ADGRL3: variants seen among roughly 807,000 people sequenced by gnomAD.
ADGRL3 encodes calcium-independent alpha-latrotoxin receptor 3.
In ADGRL3, 62 loss-of-function variants were observed where a neutral mutation model predicts 153.5. That is an observed-to-expected ratio of 0.40 (90% confidence interval 0.33 to 0.50). ADGRL3 has a LOEUF of 0.50. ADGRL3 is among the 20% of genes least tolerant of loss of function. The pLI is 0.47. For synonymous variants in ADGRL3, 710 were observed against 672.5 expected (o/e 1.06, Z -0.86); for missense variants, 1,641 against 1,859.4 (o/e 0.88, Z 2.16).
intron 2 of ADGRL3, among the ~76,000 whole-genome samples, chr4:61,462,166 A>G (rs943269305): frequency 6.6e-6 from 1 of 152,164 alleles, no homozygotes; most frequent in Non-Finnish European, 1.5e-5. Flanking sequence ...AGTGTTTCCT[A>G]TTTGGGCTGA....
intron 8 of ADGRL3, among the ~76,000 whole-genome samples, chr4:61,746,385 C>G (rs899632184): frequency 6.6e-6 from 1 of 152,122 alleles, no homozygotes; most frequent in Non-Finnish European, 1.5e-5. Context: ...ACTCTCCACC[C>G]CAAATCAACA....
At chr4:61,682,257 G>A (rs1261807714) in intron 6 of ADGRL3, among the ~76,000 whole-genome samples, 1 of 151,560 alleles carries the variant, frequency 6.6e-6, no homozygotes, top group Non-Finnish European at 1.5e-5. Flanking sequence ...TCCTCTCTCT[G>A]TATCAGCTAT....
At position 61,231,772 on chromosome 4, in the gene ADGRL3, G is replaced by A. The variant is rs543257222; in HGVS notation, c.-240+30007G>A. ...TCATTTTATCCTTTGGGTCCAACCA[G>A]CCTCCCGGCACGTGGTAAGTACTAA... is the stretch of plus-strand genomic sequence containing the variant. On this transcript the variant is annotated intron_variant, in intron 1 of 26. Transcript: ENST00000683033. Among the ~76,000 whole-genome samples the A allele has an allele frequency of 2.6e-5, 4 of 152,138 alleles. No homozygotes were observed. The South Asian group carries it at 8.3e-4, about 32-fold the overall frequency.
At chr4:61,676,059 C>T (rs1292948566) in intron 5 of ADGRL3, among the ~76,000 whole-genome samples, 1 of 151,690 alleles carries the variant, frequency 6.6e-6, no homozygotes, top group Admixed American at 6.6e-5. Flanking sequence ...TCTTTCTGTG[C>T]CTGTCTTATT....
chr4:61,883,499 T>G (rs2098520233), intron 9 of ADGRL3, among the ~76,000 whole-genome samples: 2 of 152,188 alleles, frequency 1.3e-5, no homozygotes, highest in African/African-American at 4.8e-5. Flanking sequence ...TTTCCATTAT[T>G]CTCCTCAAAT....
At chr4:61,835,950 G>T (rs939367588) in intron 9 of ADGRL3, among the ~76,000 whole-genome samples, 9 of 152,060 alleles carry the variant, frequency 5.9e-5, no homozygotes, top group African/African-American at 2.2e-4. Flanking sequence ...ATTTTTAGGG[G>T]TAATCATGAA....
chr4:61,203,529 A>G (rs2148712004), intron 1 of ADGRL3, among the ~76,000 whole-genome samples: 1 of 152,366 alleles, frequency 6.6e-6, no homozygotes, highest in South Asian at 2.1e-4. Flanking sequence ...TCTGGCAGGA[A>G]GGAAAAATTG....
chr4:61,731,211 A>T (rs2096436270), intron 7 of ADGRL3, among the ~76,000 whole-genome samples: 1 of 151,954 alleles, frequency 6.6e-6, no homozygotes, highest in Non-Finnish European at 1.5e-5. Context: ...AGATTTTGGT[A>T]GTTAGCCTGT....
At chr4:61,218,437 G>A (rs1472018218) in intron 1 of ADGRL3, among the ~76,000 whole-genome samples, 1 of 152,020 alleles carries the variant, frequency 6.6e-6, no homozygotes. Flanking sequence ...AGCCTCACGA[G>A]TAGCTGGGAC....
chr4:61,855,752 G>A (rs1161213554), intron 9 of ADGRL3, among the ~76,000 whole-genome samples: 1 of 151,886 alleles, frequency 6.6e-6, no homozygotes, highest in African/African-American at 2.4e-5. Flanking sequence ...CCTAAATAGT[G>A]ACAGATGTAA....
At chr4:61,463,995 G>A (rs1043173141) in intron 2 of ADGRL3, among the ~76,000 whole-genome samples, 1 of 152,116 alleles carries the variant, frequency 6.6e-6, no homozygotes, top group African/African-American at 2.4e-5. Context: ...ATTCCCCAAA[G>A]GGCCAGAGAA....
intron 2 of ADGRL3, among the ~76,000 whole-genome samples, chr4:61,450,180 A>G (rs560498906): frequency 3.8e-4 from 58 of 152,308 alleles, no homozygotes; most frequent in Middle Eastern, 6.8e-3. Flanking sequence ...CTATAAAGTA[A>G]TTTTAGAAAA....
At chr4:61,204,721 C>T (rs1358705564) in intron 1 of ADGRL3, among the ~76,000 whole-genome samples, 5 of 152,128 alleles carry the variant, frequency 3.3e-5, no homozygotes, top group Non-Finnish European at 1.5e-5. Flanking sequence ...GAATGATTAA[C>T]TCAAAGTTTT....
At chr4:61,327,542 A>G (rs1167293208) in intron 1 of ADGRL3, among the ~76,000 whole-genome samples, 1 of 151,984 alleles carries the variant, frequency 6.6e-6, no homozygotes, top group Non-Finnish European at 1.5e-5. Flanking sequence ...GTCTAATCAG[A>G]TTAAAATTTA....
chr4:61,897,406 T>C (rs1245260803), intron 11 of ADGRL3, among the ~76,000 whole-genome samples: 1 of 152,142 alleles, frequency 6.6e-6, no homozygotes, highest in African/African-American at 2.4e-5. Flanking sequence ...AGGTCAGTGG[T>C]GGAGCTAATA....
intron 4 of ADGRL3, among the ~76,000 whole-genome samples, chr4:61,575,269 CTTAATGAAA>C: frequency 6.6e-6 from 1 of 151,986 alleles, no homozygotes; most frequent in East Asian, 1.9e-4. Context: ...TTTAGCAAGA[CTTAATGAAA>C]TAATTTATTT....
At chr4:61,750,851 G>A (rs1042057681) in intron 8 of ADGRL3, among the ~76,000 whole-genome samples, 5 of 150,980 alleles carry the variant, frequency 3.3e-5, no homozygotes, top group African/African-American at 1.2e-4. Flanking sequence ...TAAATGCAAG[G>A]CAACAAGGAC....
At chr4:61,381,745 C>A (rs948976206) in intron 1 of ADGRL3, among the ~76,000 whole-genome samples, 15 of 151,802 alleles carry the variant, frequency 9.9e-5, no homozygotes, top group Non-Finnish European at 1.9e-4. Context: ...CTTCAAAAAC[C>A]AGGGAAAAAA....
At chr4:61,789,099 A>G (rs1356185273) in intron 8 of ADGRL3, among the ~76,000 whole-genome samples, 1 of 152,178 alleles carries the variant, frequency 6.6e-6, no homozygotes, top group Non-Finnish European at 1.5e-5. Flanking sequence ...CAGATGAACT[A>G]AAGATATGTT....
Sources: allele counts gnomAD v4.1 joint callset (sites outside exome capture counted in the v4.1 genomes callset), GRCh38; gene constraint gnomAD v4.1.1; transcripts MANE v1.5; gene names NCBI Gene and HGNC (gene_info 2026-07-23, HGNC 2026-07-21).